The following RIMBP2 variants were observed in gnomAD, a reference collection of about 807,000 sequenced individuals.
RIMBP2 encodes the protein RIMS-binding protein 2.
A neutral mutation model predicts 118.6 loss-of-function variants in RIMBP2; 48 were observed. The observed-to-expected ratio is 0.40, with a 90% CI of 0.32 to 0.51. The LOEUF is 0.51. Among genes scored for constraint, RIMBP2 ranks in the 20% least tolerant of loss-of-function variants. RIMBP2 has a pLI of 0.41. For missense variants in RIMBP2, 1,551 were observed against 1,768.3 expected, an observed-to-expected ratio of 0.88 and a Z score of 2.20; for synonymous variants, 762 against 742.9, an observed-to-expected ratio of 1.03 and a Z score of -0.42.
At chr12:130,600,808 C>T (rs973865395) in intron 2 of RIMBP2, among the ~76,000 whole-genome samples, 6 of 152,158 alleles carry the variant, frequency 3.9e-5, no homozygotes, top group Admixed American at 6.5e-5. Context: ...GCCCGTGATC[C>T]GGTAGTTCAT....
At position 130,434,205 on chromosome 12, in the gene RIMBP2, A is replaced by C. The variant is rs1189053818; in HGVS notation, c.2253+529T>G. Among the ~76,000 whole-genome samples the C allele has an allele frequency of 2.0e-5, 3 of 152,206 alleles. No homozygotes were observed. In the East Asian group the frequency reaches 5.8e-4, roughly 29 times the overall value. ...TTGTCCAAGTTTTGTTCTTTACAGC[A>C]TCTGAGGGCATTTCCATTAGAATAT... On this transcript the variant is annotated intron_variant, in intron 14 of 22. Transcript: ENST00000690449. This position sits in a 1 kb window ranked among gnomAD's most constrained non-coding sequence, Gnocchi z 5.7.
In RIMBP2 at chr12:130,522,705, G is replaced by A. The variant is rs985668923; in HGVS notation, c.-216-4788C>T. ...CCAGGGAGGCACGGACTTCCTGTGC[G>A]CAGGGAGAGGAGGAGGAGGTGGGTT... is the stretch of plus-strand genomic sequence containing the variant. On this transcript the variant is annotated intron_variant, in intron 2 of 22. Coordinates refer to ENST00000690449, the MANE Select transcript of RIMBP2 (RefSeq NM_001393629.1). Among the ~76,000 whole-genome samples the A allele has an allele frequency of 5.3e-5, 8 of 152,172 alleles. No homozygotes were observed. In the East Asian group the frequency reaches 5.8e-4, roughly 11 times the overall value.
At chr12:130,569,031 A>T (rs2140021539) in intron 2 of RIMBP2, among the ~76,000 whole-genome samples, 1 of 151,804 alleles carries the variant, frequency 6.6e-6, no homozygotes, top group South Asian at 2.1e-4. Context: ...GAGAAGCTGG[A>T]GCAGACAGGA....
At chr12:130,543,828 T>A (rs1324911768) in intron 2 of RIMBP2, among the ~76,000 whole-genome samples, 1 of 152,190 alleles carries the variant, frequency 6.6e-6, no homozygotes, top group East Asian at 1.9e-4. Context: ...CAGCTAAATG[T>A]TTTCCTTACT....
At position 130,434,590 on chromosome 12, in the gene RIMBP2, G is replaced by A. The variant is rs1017396710; in HGVS notation, c.2253+144C>T. On this transcript the variant is annotated intron_variant, in intron 14 of 22. Transcript: ENST00000690449. The surrounding 1 kb of genome is among the most constrained non-coding windows in gnomAD (Gnocchi z 5.7). ...AATATAAACTTCAGAAACCTAGCAC[G>A]ACTTAGGACCCCAGCTGGGCGTCTC... The A allele has an allele frequency of 6.3e-5, 51 of 812,106 alleles. 1 individual carries two copies. The East Asian group carries it at 9.9e-4, about 16-fold the overall frequency. 50.3% of individuals were successfully genotyped at this position (812,106 alleles called of 1,614,324 possible).
chr12:130,619,508 C>T (rs1444198192), intron 2 of RIMBP2, among the ~76,000 whole-genome samples: 1 of 152,182 alleles, frequency 6.6e-6, no homozygotes, highest in African/African-American at 2.4e-5. Context: ...GCATGTGAGT[C>T]ACCCATGCTA....
chr12:130,536,762 GA>G (rs2054121994), intron 2 of RIMBP2, among the ~76,000 whole-genome samples: 1 of 152,182 alleles, frequency 6.6e-6, no homozygotes, highest in Admixed American at 6.5e-5. Flanking sequence ...TGGACTTGGT[GA>G]CTTGCTTCCT....
At chr12:130,684,712 G>A (rs2064963000) in intron 1 of RIMBP2, among the ~76,000 whole-genome samples, 1 of 152,210 alleles carries the variant, frequency 6.6e-6, no homozygotes, top group African/African-American at 2.4e-5. Flanking sequence ...GCAAAATGTA[G>A]TAATTAAGAA....
At chr12:130,554,511 C>T (rs1257696757) in intron 2 of RIMBP2, among the ~76,000 whole-genome samples, 1 of 152,164 alleles carries the variant, frequency 6.6e-6, no homozygotes, top group African/African-American at 2.4e-5. Context: ...ACTAACATCA[C>T]CCTCAAATTC....
chr12:130,532,142 C>T (rs1159118724), intron 2 of RIMBP2, among the ~76,000 whole-genome samples: 1 of 150,074 alleles, frequency 6.7e-6, no homozygotes, highest in Non-Finnish European at 1.5e-5. Context: ...CTAGGAGTTA[C>T]GTCTAATGAG....
intron 2 of RIMBP2, among the ~76,000 whole-genome samples, chr12:130,586,943 A>G (rs2058925734): frequency 1.3e-5 from 1 of 78,744 alleles, no homozygotes; most frequent in East Asian, 4.7e-4. Context: ...ACAAAGGGCT[A>G]ATATCCAGAA....
At chr12:130,487,409 T>C (rs974702980) in intron 4 of RIMBP2, among the ~76,000 whole-genome samples, 1 of 152,108 alleles carries the variant, frequency 6.6e-6, no homozygotes, top group Non-Finnish European at 1.5e-5. Context: ...GAGCTGGTTG[T>C]TTAAGGGAGC....
intron 6 of RIMBP2, chr12:130,470,391 A>G (rs942637816): frequency 2.2e-5 from 7 of 315,384 alleles, no homozygotes; most frequent in Non-Finnish European, 3.4e-5. Flanking sequence ...TTTCCACCCA[A>G]GAGGAGCCAC....
chr12:130,695,137 T>C (rs569315783), intron 1 of RIMBP2, among the ~76,000 whole-genome samples: 1 of 152,364 alleles, frequency 6.6e-6, no homozygotes, highest in Admixed American at 6.5e-5. Context: ...TGAGGTTTTC[T>C]TTTTTATAAT....
At position 130,578,645 on chromosome 12, in the gene RIMBP2, CAT is replaced by C. The variant is rs1164016498; in HGVS notation, c.-217+49675_-217+49676del. On this transcript the variant is annotated intron_variant, in intron 2 of 22. Transcript: ENST00000690449. This position sits in a 1 kb window ranked among gnomAD's most constrained non-coding sequence, Gnocchi z 4.1. ...ATCTTCACGTTAGCTCATTCCTTGA[CAT>C]TCAGCTCTCAGCGCAAATGCCCCCT... is the stretch of plus-strand genomic sequence containing the variant. 6.6e-6 allele frequency among the ~76,000 whole-genome samples: 1 copy of C among 152,224 alleles called. No individual in the cohort carries two copies. Among genetic ancestry groups the C allele is most frequent in the African/African-American group, 2.4e-5 (1 of 41,466 alleles).
intron 6 of RIMBP2, among the ~76,000 whole-genome samples, chr12:130,463,676 G>A (rs1228039503): frequency 6.6e-6 from 1 of 151,916 alleles, no homozygotes; most frequent in Non-Finnish European, 1.5e-5. Flanking sequence ...AGGCTCACCG[G>A]GTCACTTGAC....
chr12:130,490,469 G>A (rs907862629), intron 4 of RIMBP2, among the ~76,000 whole-genome samples: 3 of 152,146 alleles, frequency 2.0e-5, no homozygotes, highest in African/African-American at 4.8e-5. Context: ...GCTTGTTCTG[G>A]TCCCAGCTGT....
rs894991671 is a variant in RIMBP2 at position 130,578,704 on chromosome 12, C to T, written c.-217+49618G>A. Among the ~76,000 whole-genome samples the T allele has an allele frequency of 6.6e-6, 1 of 152,170 alleles. No homozygotes were observed. The highest frequency in any genetic ancestry group is 2.4e-5 in the African/African-American group (1 of 41,432). ...AGACTTCCCCTCGCTACCCAACGACCGAGTCCCTCACCCTGCCCCGTCTCC... is the reference window on the plus strand; with the variant it reads ...AGACTTCCCCTCGCTACCCAACGACTGAGTCCCTCACCCTGCCCCGTCTCC... On this transcript the variant is annotated intron_variant, in intron 2 of 22. Coordinates refer to ENST00000690449, the MANE Select transcript of RIMBP2 (RefSeq NM_001393629.1). This position sits in a 1 kb window ranked among gnomAD's most constrained non-coding sequence, Gnocchi z 4.1.
rs144197823 is a variant in RIMBP2 at position 130,581,591 on chromosome 12, C to T, written c.-217+46731G>A. On this transcript the variant is annotated intron_variant, in intron 2 of 22. Coordinates refer to ENST00000690449, the MANE Select transcript of RIMBP2 (RefSeq NM_001393629.1). The surrounding 1 kb of genome is among the most constrained non-coding windows in gnomAD (Gnocchi z 4.4). ...AGTAGGTGGCAATTCCAGGCTCTCGCGGCTCAGGCCTCAGACCTGTCGCCT... is the reference window on the plus strand; with the variant it reads ...AGTAGGTGGCAATTCCAGGCTCTCGTGGCTCAGGCCTCAGACCTGTCGCCT... Among the ~76,000 whole-genome samples, 53 of 152,346 alleles carry T rather than the reference C, an allele frequency of 3.5e-4. No homozygotes were observed. The highest frequency in any genetic ancestry group is 1.2e-3 in the African/African-American group (48 of 41,592).
Sources: allele counts gnomAD v4.1 joint callset (sites outside exome capture counted in the v4.1 genomes callset), GRCh38; gene constraint gnomAD v4.1.1; non-coding constraint Gnocchi (gnomAD v3.1); transcripts MANE v1.5; gene names NCBI Gene and HGNC (gene_info 2026-07-23, HGNC 2026-07-21).